Variants in ATRX observed in about 807,000 individuals in gnomAD.
ATRX encodes ATRX chromatin remodeler, also known as chromatin remodeler ATRX.
In ATRX, 12 loss-of-function variants were observed where a neutral mutation model predicts 172.6. That is an observed-to-expected ratio of 0.07 (90% CI 0.04 to 0.11). The LOEUF (loss-of-function observed/expected upper bound fraction) is 0.11. Ranked by LOEUF, ATRX falls within the 10% of genes least tolerant of loss-of-function variation. ATRX has a pLI of 1.00. For missense variants in ATRX, 1,368 were observed against 1,767.4 expected, an observed-to-expected ratio of 0.77 and a Z score of 4.05; for synonymous variants, 674 against 594.7, an observed-to-expected ratio of 1.13 and a Z score of -1.94.
At chrX:77,765,941 G>A (rs1318053159) in intron 1 of ATRX, among the ~76,000 whole-genome samples, 2 of 109,468 alleles carry the variant, frequency 1.8e-5, no homozygotes, top group Non-Finnish European at 3.8e-5. Context: ...AGCACATCTT[G>A]CACCGCCCTT....
intron 15 of ATRX, 147 bp downstream of exon 15, chrX:77,651,967 G>T: frequency 1.9e-6 from 1 of 519,693 alleles, no homozygotes; most frequent in South Asian, 2.8e-5. Context: ...AATTAAGGCT[G>T]GGTGTGTTGA....
intron 15 of ATRX, among the ~76,000 whole-genome samples, chrX:77,638,400 G>A (rs45554740): frequency 4.0e-4 from 45 of 113,080 alleles, no homozygotes; most frequent in African/African-American, 1.4e-3. Context: ...TTGAACCTGA[G>A]AGGTGGAGGT....
In ATRX at chrX:77,682,073, A is replaced by G. The variant is rs782580932; in HGVS notation, c.3183T>C (p.Ser1061=). The part of the protein sequence containing the change: ...DKTSKKKDEL[S]DYAEKSTGKG... ...TCCCTGTTGACTTCTCAGCATAATC[A>G]GATAATTCATCCTTCTTTTTAGAAG... Residue 1061 remains serine (S), a synonymous_variant, in exon 9 of 35, where the codon TCT becomes TCC. Transcript: ENST00000373344. 1.7e-6 allele frequency: 2 copies of G among 1,210,486 alleles called. No individual in the cohort carries two copies. Among genetic ancestry groups the G allele is most frequent in the South Asian group, 3.5e-5 (2 of 56,925 alleles).
intron 30 of ATRX, among the ~76,000 whole-genome samples, chrX:77,531,006 C>A (rs2063558519): frequency 8.9e-6 from 1 of 112,099 alleles, no homozygotes; most frequent in African/African-American, 3.2e-5. Context: ...ATATAAATAC[C>A]TCTGCGCATA....
At chrX:77,615,991 T>G in intron 22 of ATRX, 1 of 753,761 alleles carries the variant, frequency 1.3e-6, no homozygotes, top group African/African-American at 2.3e-5. Flanking sequence ...AAGACAGACA[T>G]CTTCAGGCAC....
chrX:77,773,939 G>A (rs2076255155), intron 1 of ATRX, among the ~76,000 whole-genome samples: 1 of 111,057 alleles, frequency 9.0e-6, no homozygotes, highest in Non-Finnish European at 1.9e-5. Context: ...AAATGGAGAA[G>A]AGGCCGGGCG....
chrX:77,732,588 G>C (rs1234234248), intron 1 of ATRX, among the ~76,000 whole-genome samples: 1 of 111,716 alleles, frequency 9.0e-6, no homozygotes, highest in African/African-American at 3.3e-5. Context: ...ATCGTAACCA[G>C]GTGGAGTTTA....
chrX:77,671,624 C>A (rs1412255271), intron 10 of ATRX, among the ~76,000 whole-genome samples: 1 of 110,139 alleles, frequency 9.1e-6, no homozygotes, highest in African/African-American at 3.3e-5. Flanking sequence ...TATTTTTATA[C>A]TTGAAAAATG....
At chrX:77,662,191 T>C (rs933982136) in intron 12 of ATRX, among the ~76,000 whole-genome samples, 18 of 111,593 alleles carry the variant, frequency 1.6e-4, no homozygotes, top group African/African-American at 5.5e-4. Flanking sequence ...TTTTTTATAA[T>C]ACAAAGGTCA....
At chrX:77,532,444 C>T (rs2063607787) in intron 30 of ATRX, among the ~76,000 whole-genome samples, 1 of 111,000 alleles carries the variant, frequency 9.0e-6, no homozygotes, top group African/African-American at 3.3e-5. Context: ...ACAGACACAT[C>T]GACCAATGGA....
chrX:77,739,871 G>A (rs1184007551), intron 1 of ATRX, among the ~76,000 whole-genome samples: 2 of 108,029 alleles, frequency 1.9e-5, no homozygotes, highest in South Asian at 4.0e-4. Flanking sequence ...CCAACATGAC[G>A]AAACCCCATC....
In ATRX at chrX:77,688,842, A is replaced by C. The variant is rs188831993; in HGVS notation, c.570T>G (p.Pro190=). 1.6e-4 allele frequency: 192 copies of C among 1,205,934 alleles called. No individual in the cohort carries two copies. The Admixed American group carries it at 4.1e-3, about 26-fold the overall frequency. ...HFQKDSIYRH[P]SLQVLICKNC... ...CCTTACAAATAAGAACTTGCAATGA[A>C]GGGTGTCTATAAATGGAATCTTTTT... is the stretch of plus-strand genomic sequence containing the variant. The change falls in exon 7 of 35, where the codon CCT becomes CCG. Residue 190 remains proline, a synonymous_variant. Transcript: ENST00000373344.
At chrX:77,691,012 T>C (rs2071853539) in intron 6 of ATRX, 2 of 112,363 alleles carry the variant, frequency 1.8e-5, no homozygotes, top group Admixed American at 1.9e-4. Flanking sequence ...CATAATTCTA[T>C]AGAGCAGTGA....
chrX:77,777,439 A>T (rs1228494295), intron 1 of ATRX, among the ~76,000 whole-genome samples: 1 of 110,561 alleles, frequency 9.0e-6, no homozygotes, highest in Non-Finnish European at 1.9e-5. Context: ...CTTTATTTAC[A>T]AAAAACAGGC....
rs930261155 is a variant in ATRX, at chrX:77,663,519, G to T, written c.3983C>A (p.Ser1328Tyr). 5.8e-6 allele frequency: 7 copies of T among 1,209,722 alleles called. No homozygotes were observed. The highest frequency in any genetic ancestry group is 7.8e-6 in the Non-Finnish European group (7 of 894,460). Residue 1328 changes from serine to tyrosine, a missense_variant, in exon 12 of 35, where the codon TCT becomes TAT. Physicochemically the swap from Ser to Tyr is moderately radical, Grantham distance 144 (BLOSUM62 -2). Around this residue, in one of 17 missense-constraint regions of ATRX, gnomAD observed 119 missense variants for 131.3 expected, o/e 0.91. Transcript: ENST00000373344. ...GTATCTTGGCTTCTTAGATTCTTCA[G>T]AATCTGAATCTGATTCAGAATTGAC... The part of the protein sequence containing the change: ...NQVNSESDSD[S>Y]EESKKPRYRH...
intron 27 of ATRX, among the ~76,000 whole-genome samples, chrX:77,577,665 A>G (rs1157067495): frequency 9.0e-6 from 1 of 111,705 alleles, no homozygotes; most frequent in Non-Finnish European, 1.9e-5. Context: ...AGATGGCTTC[A>G]ATGCTGAATT....
chrX:77,602,021 T>G (rs960577066), intron 22 of ATRX, among the ~76,000 whole-genome samples: 1 of 111,818 alleles, frequency 8.9e-6, no homozygotes, highest in East Asian at 2.8e-4. Flanking sequence ...TTTGTTTTTT[T>G]GATACAGGGT....
chrX:77,537,381 A>T (rs1557048728), intron 30 of ATRX, among the ~76,000 whole-genome samples: 1 of 111,992 alleles, frequency 8.9e-6, no homozygotes, highest in Non-Finnish European at 1.9e-5. Context: ...CTTACTCATC[A>T]GTAACATGTG....
chrX:77,734,257 ATAC>A (rs2074437112), intron 1 of ATRX, among the ~76,000 whole-genome samples: 1 of 107,356 alleles, frequency 9.3e-6, no homozygotes, highest in African/African-American at 3.4e-5. Flanking sequence ...ACATACATAC[ATAC>A]AAAAATTAGT....
Sources: gnomAD v4.1 joint callset for allele counts (sites outside exome capture counted in the v4.1 genomes callset) on GRCh38, gnomAD v4.1.1 for gene constraint, gnomAD v4.1.1 regional missense constraint, MANE v1.5 for transcripts, NCBI Gene and HGNC (gene_info 2026-07-23, HGNC 2026-07-21) for gene names.